The following MYO16 variants were observed in gnomAD, a reference collection of about 807,000 sequenced individuals.
MYO16 encodes unconventional myosin-XVI.
MYO16 carries 94 observed loss-of-function variants against 205.3 expected under a neutral mutation model. That is an observed-to-expected ratio of 0.46 (90% CI 0.39 to 0.54). MYO16 has a LOEUF of 0.54. MYO16 is among the 20% of genes least tolerant of loss of function. The pLI is 0.00. For synonymous variants in MYO16, 988 were observed against 954.0 expected (o/e 1.04, Z -0.66); for missense variants, 2,315 against 2,387.5 (o/e 0.97, Z 0.63).
At chr13:108,792,298 T>G (rs1400960540) in intron 5 of MYO16, among the ~76,000 whole-genome samples, 1 of 152,202 alleles carries the variant, frequency 6.6e-6, no homozygotes, top group African/African-American at 2.4e-5. Flanking sequence ...AACTGATGCA[T>G]CATTTTTAAA....
intron 27 of MYO16, among the ~76,000 whole-genome samples, chr13:109,068,929 G>A (rs754069519): frequency 6.6e-6 from 1 of 152,030 alleles, no homozygotes; most frequent in Non-Finnish European, 1.5e-5. Flanking sequence ...ACTGAAATGG[G>A]TCAATAGTCA....
chr13:108,606,132 G>A (rs1394177577), intron 1 of MYO16, among the ~76,000 whole-genome samples: 1 of 152,168 alleles, frequency 6.6e-6, no homozygotes, highest in Non-Finnish European at 1.5e-5. Flanking sequence ...ATGTTTAAAA[G>A]GGAAGCAGAG....
intron 4 of MYO16, among the ~76,000 whole-genome samples, chr13:108,770,886 T>G (rs1048480215): frequency 4.6e-5 from 7 of 152,144 alleles, no homozygotes; most frequent in Non-Finnish European, 1.0e-4. Flanking sequence ...AAGAACACTC[T>G]CACTGGTTAC....
At chr13:108,884,631 TG>T in intron 13 of MYO16, among the ~76,000 whole-genome samples, 1 of 111,384 alleles carries the variant, frequency 9.0e-6, no homozygotes. Flanking sequence ...GGCGTCAAGG[TG>T]GGGGCTCCAA....
At chr13:108,967,470 G>GT (rs1883839087) in intron 20 of MYO16, among the ~76,000 whole-genome samples, 1 of 152,176 alleles carries the variant, frequency 6.6e-6, no homozygotes, top group Admixed American at 6.5e-5. Flanking sequence ...TGTTTGCCAC[G>GT]TTTGCTGGAT....
At chr13:109,090,035 G>T (rs922821354) in intron 27 of MYO16, among the ~76,000 whole-genome samples, 8 of 152,230 alleles carry the variant, frequency 5.3e-5, no homozygotes, top group African/African-American at 1.9e-4. Flanking sequence ...GCAGCAATGT[G>T]AAGTGTCACA....
rs574339934 is a variant in MYO16, at chr13:108,597,898, T to C, written c.-39+1659T>C. Among the ~76,000 whole-genome samples the C allele has an allele frequency of 2.0e-5, 3 of 152,344 alleles. No homozygotes were observed. The South Asian group carries it at 6.2e-4, about 32-fold the overall frequency. On this transcript the variant is annotated intron_variant, in intron 1 of 24. Transcript: ENST00000251041. ...TTATAATCTTGTAACTCTATATGTA[T>C]GTTTAGAAACAGGGATACATAATAG...
At chr13:108,800,311 C>A (rs1341939987) in intron 6 of MYO16, among the ~76,000 whole-genome samples, 1 of 152,198 alleles carries the variant, frequency 6.6e-6, no homozygotes, top group Non-Finnish European at 1.5e-5. Context: ...GTCTCTACAG[C>A]CTCTCTTTGC....
At chr13:108,896,200 AT>A (rs1188168461) in intron 14 of MYO16, among the ~76,000 whole-genome samples, 2 of 152,164 alleles carry the variant, frequency 1.3e-5, no homozygotes, top group African/African-American at 4.8e-5. Context: ...GAAGCAAAAT[AT>A]TTTTAAAGAT....
At position 108,957,700 on chromosome 13, in the gene MYO16, G is replaced by T; in HGVS notation, c.1938G>T (p.Gln646His). Residue 646 changes from glutamine to histidine, a missense_variant, in exon 17 of 35, where the codon CAG becomes CAT. This residue lies in a region of MYO16 where 1,213 missense variants were observed against 1,274.4 expected (regional missense o/e 0.95). Coordinates refer to ENST00000457511, the MANE Select transcript of MYO16 (RefSeq NM_001198950.3). ...NNLCAHRYLN[Q>H]TIQDDASTGE... ...TGTCTCCTAACAGGTATTTGAACCA[G>T]ACCATACAGGATGATGCATCCACAG... 2.5e-6 allele frequency: 4 copies of T among 1,611,810 alleles called. No homozygotes were observed. Among genetic ancestry groups the T allele is most frequent in the Non-Finnish European group, 3.4e-6 (4 of 1,178,194 alleles).
Position 109,079,431 on chromosome 13 carries a change from G to C in MYO16, c.3336-21354G>C, listed in dbSNP as rs115014336. Among the ~76,000 whole-genome samples, 1,419 of 151,962 alleles carry C rather than the reference G, an allele frequency of 9.3e-3. 23 individuals carry two copies. The highest frequency in any genetic ancestry group is 0.032 in the African/African-American group (1,314 of 41,404). ...TAAATTGCTCCTGGAACACTATGCAGCCATAAAATTGAATGAAATAATGTC... is the reference window on the plus strand; with the variant it reads ...TAAATTGCTCCTGGAACACTATGCACCCATAAAATTGAATGAAATAATGTC... On this transcript the variant is annotated intron_variant, in intron 27 of 34. Coordinates refer to ENST00000457511, the MANE Select transcript of MYO16 (RefSeq NM_001198950.3).
Position 108,878,718 on chromosome 13 carries a change from C to A in MYO16, c.1426-4341C>A, listed in dbSNP as rs142036368. On this transcript the variant is annotated intron_variant, in intron 12 of 34. Transcript: ENST00000457511. ...CTTGGGCTTCAGAAGTTGCAGGCAC[C>A]CACCCCTAGACGCTACTATGGGGCC... 2.5e-4 allele frequency among the ~76,000 whole-genome samples: 38 copies of A among 152,336 alleles called. No individual in the cohort carries two copies. In the Middle Eastern group the frequency reaches 0.01, roughly 41 times the overall value.
the MYO16 span, among the ~76,000 whole-genome samples, chr13:108,571,565 G>A: frequency 6.6e-6 from 1 of 152,080 alleles, no homozygotes; most frequent in Admixed American, 6.6e-5. Flanking sequence ...CGAAATGAGA[G>A]TGCAGTCGCT....
At chr13:108,852,629 G>A (rs1052745705) in intron 10 of MYO16, among the ~76,000 whole-genome samples, 15 of 152,118 alleles carry the variant, frequency 9.9e-5, no homozygotes, top group Non-Finnish European at 1.5e-4. Flanking sequence ...AGAACAGCGC[G>A]GACAGACCCA....
At chr13:108,821,280 A>G (rs1375803604) in intron 8 of MYO16, among the ~76,000 whole-genome samples, 1 of 151,972 alleles carries the variant, frequency 6.6e-6, no homozygotes, top group Admixed American at 6.6e-5. Flanking sequence ...AGAAGAAGGG[A>G]TTTTTCTCTA....
At chr13:108,570,100 C>G in the MYO16 span, among the ~76,000 whole-genome samples, 2 of 152,134 alleles carry the variant, frequency 1.3e-5, no homozygotes, top group South Asian at 4.1e-4. Flanking sequence ...TTATTATGAT[C>G]TCTGCCTGAT....
chr13:108,997,019 A>G (rs1465854132), intron 21 of MYO16, among the ~76,000 whole-genome samples: 1 of 152,136 alleles, frequency 6.6e-6, no homozygotes, highest in Non-Finnish European at 1.5e-5. Context: ...TGACAGGTGC[A>G]TTGGCTCCTG....
chr13:108,590,490 G>A, the MYO16 span, among the ~76,000 whole-genome samples: 1 of 152,166 alleles, frequency 6.6e-6, no homozygotes, highest in African/African-American at 2.4e-5. Context: ...CCCCCAGAAG[G>A]ATATGTTGAA....
At chr13:108,681,302 A>G (rs1003927538) in intron 2 of MYO16, among the ~76,000 whole-genome samples, 4 of 152,214 alleles carry the variant, frequency 2.6e-5, no homozygotes, top group Non-Finnish European at 5.9e-5. Flanking sequence ...AGACTCCACT[A>G]AGGAGTTTCA....
Sources: gnomAD v4.1 joint callset for allele counts (sites outside exome capture counted in the v4.1 genomes callset) on GRCh38, gnomAD v4.1.1 for gene constraint, gnomAD v4.1.1 regional missense constraint, MANE v1.5 for transcripts, NCBI Gene and HGNC (gene_info 2026-07-23, HGNC 2026-07-21) for gene names.